PHACTR1: variants seen among roughly 807,000 people sequenced by gnomAD.
PHACTR1 encodes RPEL repeat containing 1.
A neutral mutation model predicts 69.2 loss-of-function variants in PHACTR1; 16 were observed. The observed-to-expected ratio is 0.23, with a 90% confidence interval of 0.16 to 0.35. The LOEUF (loss-of-function observed/expected upper bound fraction) is 0.35, where lower values mean the gene tolerates loss of function less well. Among genes scored for constraint, PHACTR1 ranks in the 10% least tolerant of loss-of-function variants. PHACTR1 has a pLI of 1.00. For missense variants in PHACTR1, 510 were observed against 734.7 expected, an observed-to-expected ratio of 0.69 and a Z score of 3.54; for synonymous variants, 312 against 284.5, an observed-to-expected ratio of 1.10 and a Z score of -0.97.
intron 4 of PHACTR1, among the ~76,000 whole-genome samples, chr6:12,928,755 G>A (rs1582537574): frequency 6.6e-6 from 1 of 152,090 alleles, no homozygotes; most frequent in Admixed American, 6.6e-5. Flanking sequence ...CAGCCCCCTG[G>A]GCAAGGCAGA....
chr6:13,213,025 G>T (rs976014579), intron 8 of PHACTR1, among the ~76,000 whole-genome samples: 4 of 152,136 alleles, frequency 2.6e-5, no homozygotes, highest in Admixed American at 1.3e-4. Context: ...AGTCCACAAG[G>T]GCAGGAACTG....
intron 8 of PHACTR1, among the ~76,000 whole-genome samples, chr6:13,227,244 C>A (rs1185282736): frequency 1.3e-5 from 2 of 152,166 alleles, no homozygotes; most frequent in African/African-American, 4.8e-5. Context: ...GTCCATCCCG[C>A]TCTTCCCTTT....
intron 10 of PHACTR1, among the ~76,000 whole-genome samples, chr6:13,240,882 A>T (rs902737033): frequency 1.3e-5 from 2 of 152,190 alleles, no homozygotes; most frequent in African/African-American, 2.4e-5. Context: ...TCAGCACCTC[A>T]TCTAATAATC....
chr6:13,000,538 CAA>C (rs954271684), intron 4 of PHACTR1, among the ~76,000 whole-genome samples: 1 of 144,180 alleles, frequency 6.9e-6, no homozygotes, highest in African/African-American at 2.6e-5. Flanking sequence ...ACAGAGTCTC[CAA>C]AAAAAGAGTA....
intron 5 of PHACTR1, among the ~76,000 whole-genome samples, chr6:13,101,308 C>A (rs58613497): frequency 0.01 from 1,546 of 152,358 alleles, 15 homozygotes; most frequent in African/African-American, 0.034. Context: ...TCAGTCCATT[C>A]ATGAGAGCAG....
intron 5 of PHACTR1, among the ~76,000 whole-genome samples, chr6:13,106,840 A>T (rs572575634): frequency 1.4e-4 from 22 of 152,276 alleles, no homozygotes; most frequent in Admixed American, 7.2e-4. Flanking sequence ...ACTGCAATTC[A>T]ATGCCTTTTG....
At chr6:13,118,510 G>A (rs962687305) in intron 5 of PHACTR1, among the ~76,000 whole-genome samples, 1 of 121,454 alleles carries the variant, frequency 8.2e-6, no homozygotes, top group Non-Finnish European at 1.6e-5. Context: ...ACGGAGTCTC[G>A]CTTTGTTGCC....
intron 5 of PHACTR1, among the ~76,000 whole-genome samples, chr6:13,054,269 T>C (rs7748124): frequency 0.47 from 70,967 of 152,070 alleles, 19,306 homozygotes; most frequent in East Asian, 0.83. Context: ...GTATGGCATC[T>C]TAGGTGGATA....
chr6:12,911,338 T>C (rs1786369583), intron 4 of PHACTR1, among the ~76,000 whole-genome samples: 1 of 152,154 alleles, frequency 6.6e-6, no homozygotes, highest in Admixed American at 6.5e-5. Flanking sequence ...TGGGGTTTTG[T>C]GTCTTCCAAA....
chr6:13,134,298 A>G (rs2127977418), intron 5 of PHACTR1, among the ~76,000 whole-genome samples: 1 of 152,354 alleles, frequency 6.6e-6, no homozygotes, highest in African/African-American at 2.4e-5. Flanking sequence ...AAGTGTACCC[A>G]GCAGCTCATT....
At chr6:13,278,088 C>T (rs905005599) in intron 11 of PHACTR1, 180 bp from the exon 12 acceptor site, 11 of 528,774 alleles carry the variant, frequency 2.1e-5, no homozygotes, top group South Asian at 5.4e-5. Context: ...TTTGAAACAA[C>T]GCAGGTAGTT....
chr6:13,034,082 T>G (rs1802897091), intron 4 of PHACTR1, among the ~76,000 whole-genome samples: 1 of 152,000 alleles, frequency 6.6e-6, no homozygotes, highest in African/African-American at 2.4e-5. Context: ...AGTGGCGCGA[T>G]CTCGGCTCAC....
intron 7 of PHACTR1, among the ~76,000 whole-genome samples, chr6:13,186,120 A>G (rs776065047): frequency 6.6e-6 from 1 of 152,222 alleles, no homozygotes; most frequent in Non-Finnish European, 1.5e-5. Context: ...TTGAAAGAGC[A>G]AATTTCCATC....
chr6:12,800,207 A>T (rs948022904), intron 4 of PHACTR1, among the ~76,000 whole-genome samples: 10 of 152,208 alleles, frequency 6.6e-5, no homozygotes, highest in African/African-American at 2.4e-4. Context: ...CTAGATGTTT[A>T]GTCATTTCTT....
intron 4 of PHACTR1, among the ~76,000 whole-genome samples, chr6:12,757,064 G>T (rs1213376441): frequency 6.6e-6 from 1 of 152,174 alleles, no homozygotes; most frequent in Non-Finnish European, 1.5e-5. Flanking sequence ...TATGTTATAA[G>T]TCAATGTGTT....
intron 4 of PHACTR1, among the ~76,000 whole-genome samples, chr6:12,819,226 T>C (rs1248183808): frequency 6.6e-6 from 1 of 152,226 alleles, no homozygotes; most frequent in Admixed American, 6.5e-5. Flanking sequence ...TCTCGTTTAA[T>C]ATCCCAGAGT....
At chr6:12,813,600 C>T (rs1200721997) in intron 4 of PHACTR1, among the ~76,000 whole-genome samples, 4 of 152,156 alleles carry the variant, frequency 2.6e-5, no homozygotes, top group African/African-American at 9.7e-5. Context: ...CCAACCAGCC[C>T]CTTAGCAAAG....
chr6:13,233,872 C>T (rs1014591441), intron 10 of PHACTR1, among the ~76,000 whole-genome samples: 3 of 152,212 alleles, frequency 2.0e-5, no homozygotes, highest in Non-Finnish European at 2.9e-5. Flanking sequence ...CTTTGTCCTT[C>T]ACTCTTTCAA....
At chr6:12,858,088 T>A (rs968558197) in intron 4 of PHACTR1, among the ~76,000 whole-genome samples, 2 of 152,152 alleles carry the variant, frequency 1.3e-5, no homozygotes, top group Admixed American at 1.3e-4. Context: ...CCCTGCAACA[T>A]GAAAGTTAAA....
Sources: gnomAD v4.1 joint callset for allele counts (sites outside exome capture counted in the v4.1 genomes callset) on GRCh38, gnomAD v4.1.1 for gene constraint, MANE v1.5 for transcripts, NCBI Gene and HGNC (gene_info 2026-07-23, HGNC 2026-07-21) for gene names.